MYMK: variants seen among roughly 807,000 people sequenced by gnomAD.
MYMK encodes protein myomaker.
A neutral mutation model predicts 22.4 loss-of-function variants in MYMK; 16 were observed. The ratio of observed to expected loss-of-function variants is 0.72; its 90% confidence interval spans 0.48 to 1.09. MYMK has a LOEUF of 1.09. MYMK is among the 50% of genes least tolerant of loss of function. The pLI, the probability that MYMK is intolerant of heterozygous loss-of-function variation, is 0.00. For synonymous variants in MYMK, 125 were observed against 127.0 expected (o/e 0.98, Z 0.11); for missense variants, 250 against 295.6 (o/e 0.85, Z 1.13).
At chr9:133,520,382 G>A (rs879540764) in intron 1 of MYMK, 94 bp from the exon 2 acceptor site, 13 of 937,298 alleles carry the variant, frequency 1.4e-5, no homozygotes, top group South Asian at 2.8e-5. Flanking sequence ...TGCTGGCTGT[G>A]AGAAGTCACT....
At chr9:133,524,225 G>A (rs1225237721) in intron 1 of MYMK, among the ~76,000 whole-genome samples, 2 of 151,990 alleles carry the variant, frequency 1.3e-5, no homozygotes, top group African/African-American at 4.8e-5. Context: ...GCAGCTCCAG[G>A]ATTCTGGAAT....
At chr9:133,516,150 G>A (rs964938107) in intron 3 of MYMK, among the ~76,000 whole-genome samples, 12 of 152,366 alleles carry the variant, frequency 7.9e-5, no homozygotes, top group African/African-American at 2.9e-4. Flanking sequence ...AGGAAGGCTC[G>A]CGTGGGCGTT....
Position 133,521,635 on chromosome 9 carries a change from A to G in MYMK, c.136-1347T>C, listed in dbSNP as rs76987185. ...TGTGGTGCACCTTTCTTGAAGTGAG[A>G]CTGGGAAAGACGCGGCTAGAGGAGG... On this transcript the variant is annotated intron_variant, in intron 1 of 4. Coordinates refer to ENST00000339996, the MANE Select transcript of MYMK (RefSeq NM_001080483.3). Among the ~76,000 whole-genome samples the G allele has an allele frequency of 4.3e-3, 648 of 152,252 alleles. 5 individuals are homozygous for G. The highest frequency in any genetic ancestry group is 0.015 in the African/African-American group (632 of 41,528).
In MYMK at chr9:133,524,880, G is replaced by A. The variant is rs766966952; in HGVS notation, c.-36C>T. On this transcript the variant is annotated 5_prime_UTR_variant, in exon 1 of 5. Coordinates refer to ENST00000339996, the MANE Select transcript of MYMK (RefSeq NM_001080483.3). ...GAAAGCACTGGCTGGGGTGGGGAGG[G>A]TGCTGGTGTCCCAGGTCCCCAGCAC... 1.1e-5 allele frequency: 17 copies of A among 1,574,540 alleles called. No homozygotes were observed. The highest frequency in any genetic ancestry group is 1.4e-5 in the Non-Finnish European group (16 of 1,160,468).
intron 3 of MYMK, among the ~76,000 whole-genome samples, chr9:133,517,754 T>G (rs1420700804): frequency 1.3e-5 from 2 of 151,900 alleles, no homozygotes; most frequent in African/African-American, 4.8e-5. Flanking sequence ...CATGCTTTGG[T>G]TCCTTCATAG....
In MYMK at chr9:133,515,698, G is replaced by A. The variant is rs946442228; in HGVS notation, c.400-91C>T. Reference sequence around the variant, plus strand: ...CCAGCCCGAGAGCTGGCCCTGCACAGGCTCACCCCAGCCCTCTCCCGGCAG... The same window carrying A: ...CCAGCCCGAGAGCTGGCCCTGCACAAGCTCACCCCAGCCCTCTCCCGGCAG... On this transcript the variant is annotated intron_variant, in intron 3 of 4. Coordinates refer to ENST00000339996, the MANE Select transcript of MYMK (RefSeq NM_001080483.3). The surrounding 1 kb of genome is among the most constrained non-coding windows in gnomAD (Gnocchi z 5.8). 6 of 816,430 alleles carry A rather than the reference G, an allele frequency of 7.3e-6. No homozygotes were observed. Among genetic ancestry groups the A allele is most frequent in the Non-Finnish European group, 1.2e-5 (6 of 481,934 alleles). 50.6% of individuals were successfully genotyped at this position (816,430 alleles called of 1,614,324 possible).
chr9:133,519,130 C>A, intron 2 of MYMK, 108 bp from the exon 3 acceptor site: 1 of 1,391,172 alleles, frequency 7.2e-7, no homozygotes, highest in Admixed American at 1.9e-5. Context: ...TGCCCTCTCT[C>A]GGTGTCCCCT....
At chr9:133,518,007 A>G (rs1190021203) in intron 3 of MYMK, among the ~76,000 whole-genome samples, 2 of 152,112 alleles carry the variant, frequency 1.3e-5, no homozygotes, top group Non-Finnish European at 2.9e-5. Context: ...GTCCACTCCA[A>G]AGAGGTGAAA....
Position 133,515,092 on chromosome 9 carries a change from C to G in MYMK, c.517-307G>C, listed in dbSNP as rs1323428731. 6.6e-6 allele frequency among the ~76,000 whole-genome samples: 1 copy of G among 150,674 alleles called. No homozygotes were observed. ...CTCCCTCCATCTCCCCCTCTTTTCT[C>G]TCCTTATCCCTCTTCCCCTGTTCCT... On this transcript the variant is annotated intron_variant, in intron 4 of 4. Transcript: ENST00000339996. The surrounding 1 kb of genome is among the most constrained non-coding windows in gnomAD (Gnocchi z 5.8).
chr9:133,518,868 A>G lies in MYMK; in HGVS notation c.399+6T>C, dbSNP rs920374459. Reference sequence around the variant, plus strand: ...CCCCGTTCATCGAGGCTCGCGCAGTACGCACCCACTTTGCCGCGATGATGA... The same window carrying G: ...CCCCGTTCATCGAGGCTCGCGCAGTGCGCACCCACTTTGCCGCGATGATGA... On this transcript the variant is annotated splice_donor_region_variant and intron_variant, in intron 3 of 4. Coordinates refer to ENST00000339996, the MANE Select transcript of MYMK (RefSeq NM_001080483.3). 3 of 1,611,056 alleles carry G rather than the reference A, an allele frequency of 1.9e-6. No individual in the cohort carries two copies. Among genetic ancestry groups the G allele is most frequent in the Non-Finnish European group, 2.5e-6 (3 of 1,179,426 alleles).
At chr9:133,520,035 C>T in intron 2 of MYMK, 139 bp downstream of exon 2, 1 of 630,416 alleles carries the variant, frequency 1.6e-6, no homozygotes, top group Non-Finnish European at 2.8e-6. Flanking sequence ...CCCTGAAACC[C>T]AGACAAGGGA....
At chr9:133,518,766 G>T (rs1844660962) in intron 3 of MYMK, 108 bp downstream of exon 3, 31 of 1,412,302 alleles carry the variant, frequency 2.2e-5, no homozygotes, top group Non-Finnish European at 3.0e-5. Context: ...CCACCCATTT[G>T]CCTATGAGGG....
At chr9:133,520,410 G>T in intron 1 of MYMK, 122 bp from the exon 2 acceptor site, 1 of 722,542 alleles carries the variant, frequency 1.4e-6, no homozygotes, top group South Asian at 1.7e-5. Context: ...GTCACTTAAT[G>T]ACTGTGTGCC....
Position 133,514,917 on chromosome 9 carries a change from C to G in MYMK, c.517-132G>C, listed in dbSNP as rs868486916. On this transcript the variant is annotated intron_variant, in intron 4 of 4. Transcript: ENST00000339996. ...TGGGACACCTGCAGGAAGCCTCCCC[C>G]ACGGTCGCGCTCACAGTGGTTTTTC... The G allele has an allele frequency of 2.5e-5, 25 of 991,926 alleles. 1 individual carries two copies. Among genetic ancestry groups the G allele is most frequent in the South Asian group, 2.2e-4 (13 of 59,564 alleles). 61.4% of individuals were successfully genotyped at this position (991,926 alleles called of 1,614,324 possible). A position where few individuals can be genotyped will look rare whatever the true frequency, so the allele number is the denominator to read the frequency against.
At chr9:133,519,523 G>A (rs1362531316) in intron 2 of MYMK, among the ~76,000 whole-genome samples, 1 of 152,178 alleles carries the variant, frequency 6.6e-6, no homozygotes, top group Non-Finnish European at 1.5e-5. Flanking sequence ...TTGTGCCACT[G>A]TACTCTGGCC....
At chr9:133,522,509 G>T (rs372748562) in intron 1 of MYMK, among the ~76,000 whole-genome samples, 272 of 152,338 alleles carry the variant, frequency 1.8e-3, no homozygotes, top group African/African-American at 6.3e-3. Context: ...ACTGAGTGTG[G>T]CTTTGAGTTC....
At chr9:133,519,992 A>C (rs1844681518) in intron 2 of MYMK, among the ~76,000 whole-genome samples, 182 bp downstream of exon 2, 1 of 152,250 alleles carries the variant, frequency 6.6e-6, no homozygotes, top group Non-Finnish European at 1.5e-5. Context: ...GGCATTTAAG[A>C]GGTGCATATT....
intron 2 of MYMK, 104 bp downstream of exon 2, chr9:133,520,070 G>A (rs1226373473): frequency 7.5e-6 from 6 of 801,838 alleles, no homozygotes; most frequent in Non-Finnish European, 1.3e-5. Flanking sequence ...CTGGGAGTGA[G>A]TGGGGATAGA....
At chr9:133,523,918 G>A (rs555164697) in intron 1 of MYMK, among the ~76,000 whole-genome samples, 2 of 152,104 alleles carry the variant, frequency 1.3e-5, no homozygotes, top group East Asian at 1.9e-4. Flanking sequence ...AAACCAATAC[G>A]AGAAACACAG....
Sources: gnomAD v4.1 joint callset for allele counts (sites outside exome capture counted in the v4.1 genomes callset) on GRCh38, gnomAD v4.1.1 for gene constraint, Gnocchi (gnomAD v3.1) non-coding constraint, MANE v1.5 for transcripts, NCBI Gene and HGNC (gene_info 2026-07-23, HGNC 2026-07-21) for gene names.